FAM178B: variants seen among roughly 807,000 people sequenced by gnomAD.
FAM178B encodes the protein family with sequence similarity 178 member B, also known as protein FAM178B.
Under a neutral mutation model 91.7 loss-of-function variants are expected in FAM178B, and 82 were observed. That is an observed-to-expected ratio of 0.89 (90% CI 0.75 to 1.07). FAM178B has a LOEUF of 1.07. Ranked by LOEUF, FAM178B falls within the 50% of genes least tolerant of loss-of-function variation. FAM178B has a pLI of 0.00. For synonymous variants in FAM178B, 368 were observed against 359.4 expected (o/e 1.02, Z -0.27); for missense variants, 769 against 846.7 (o/e 0.91, Z 1.14).
chr2:96,934,222 C>T (rs868786311), intron 8 of FAM178B, among the ~76,000 whole-genome samples: 2 of 152,162 alleles, frequency 1.3e-5, no homozygotes, highest in African/African-American at 2.4e-5. Context: ...GGGTGGCATC[C>T]GTGGCTGGGA....
chr2:96,880,554 T>C (rs2080353963), intron 14 of FAM178B, among the ~76,000 whole-genome samples: 1 of 152,238 alleles, frequency 6.6e-6, no homozygotes. Context: ...TTCTCTACAA[T>C]GTGTGTACTC....
In FAM178B at chr2:96,929,212, C is replaced by G. The variant is rs1385610952; in HGVS notation, c.1187G>C (p.Gly396Ala). The change falls in exon 9 of 17, where the codon GGT (glycine) becomes GCT (alanine). Residue 396 changes from glycine (G) to alanine (A), a missense_variant. By Grantham distance (60) the Gly-to-Ala change is moderately conservative. Transcript: ENST00000490605. Reference protein sequence around the residue: ...ALYPLGPFWHGGRVLPGEAGL... With the variant: ...ALYPLGPFWHAGRVLPGEAGL... ...AGGAAGCAGAAGTACTCACCTGCCACCGTGCCAAAAGGGCCCCAGAGGGTA... is the reference window on the plus strand; with the variant it reads ...AGGAAGCAGAAGTACTCACCTGCCAGCGTGCCAAAAGGGCCCCAGAGGGTA... 3.2e-6 allele frequency: 5 copies of G among 1,549,986 alleles called. No homozygotes were observed. The South Asian group carries it at 6.0e-5, about 18-fold the overall frequency.
intron 6 of FAM178B, among the ~76,000 whole-genome samples, chr2:96,954,229 A>G (rs2081967773): frequency 6.6e-6 from 1 of 152,220 alleles, no homozygotes; most frequent in African/African-American, 2.4e-5. Flanking sequence ...GGATCCCATG[A>G]AGGGAGGTTC....
intron 13 of FAM178B, among the ~76,000 whole-genome samples, chr2:96,901,176 CTTTTTT>C (rs1195230304): frequency 7.5e-6 from 1 of 132,470 alleles, no homozygotes; most frequent in African/African-American, 2.8e-5. Flanking sequence ...ATTCTTTTTT[CTTTTTT>C]TTTTTTTTTT....
chr2:96,948,137 G>T (rs2081861581), intron 7 of FAM178B, among the ~76,000 whole-genome samples: 2 of 152,214 alleles, frequency 1.3e-5, no homozygotes, highest in African/African-American at 4.8e-5. Flanking sequence ...CAGCACTCAG[G>T]CCCAGACACC....
intron 1 of FAM178B, among the ~76,000 whole-genome samples, chr2:96,975,431 TTTAA>T (rs1165709204): frequency 6.6e-6 from 1 of 152,212 alleles, no homozygotes; most frequent in African/African-American, 2.4e-5. Flanking sequence ...CAAAAATTGT[TTTAA>T]TTGATGCATA....
At chr2:96,975,253 T>C (rs1188861685) in intron 1 of FAM178B, among the ~76,000 whole-genome samples, 1 of 152,158 alleles carries the variant, frequency 6.6e-6, no homozygotes, top group Non-Finnish European at 1.5e-5. Context: ...AGTTATGCAC[T>C]ATGTATAGTT....
intron 5 of FAM178B, among the ~76,000 whole-genome samples, chr2:96,961,577 G>A (rs2082082075): frequency 6.6e-6 from 1 of 152,136 alleles, no homozygotes; most frequent in African/African-American, 2.4e-5. Context: ...AATAAAACAA[G>A]CTCTGGACAC....
At chr2:96,958,739 A>T (rs1484238496) in intron 6 of FAM178B, among the ~76,000 whole-genome samples, 2 of 135,490 alleles carry the variant, frequency 1.5e-5, no homozygotes, top group Admixed American at 7.9e-5. Context: ...AAAAAAAAAA[A>T]ATTGAAATCT....
At chr2:96,906,224 A>G (rs1218565123) in intron 12 of FAM178B, among the ~76,000 whole-genome samples, 1 of 133,674 alleles carries the variant, frequency 7.5e-6, no homozygotes, top group South Asian at 2.4e-4. Context: ...TTTTTTGAGC[A>G]GGAGTCTTGC....
At chr2:96,985,645 T>C (rs920451712) in intron 1 of FAM178B, among the ~76,000 whole-genome samples, 1 of 152,204 alleles carries the variant, frequency 6.6e-6, no homozygotes, top group African/African-American at 2.4e-5. Context: ...GAATTCAGAA[T>C]ATTACAATGG....
At chr2:96,960,745 G>A (rs555303457) in intron 5 of FAM178B, among the ~76,000 whole-genome samples, 4 of 152,360 alleles carry the variant, frequency 2.6e-5, no homozygotes, top group Non-Finnish European at 5.9e-5. Context: ...ACAATGCCAG[G>A]TACGGAGGGT....
chr2:96,896,652 G>A (rs536374181), intron 13 of FAM178B, among the ~76,000 whole-genome samples: 37 of 152,314 alleles, frequency 2.4e-4, no homozygotes, highest in South Asian at 6.2e-4. Context: ...CACACAGCAT[G>A]TTGCTCCTGG....
intron 14 of FAM178B, among the ~76,000 whole-genome samples, chr2:96,890,209 A>G (rs1380890661): frequency 6.6e-6 from 1 of 152,090 alleles, no homozygotes; most frequent in Non-Finnish European, 1.5e-5. Context: ...TGGGAGGTGG[A>G]GGTTGCAGTG....
At chr2:96,952,652 G>A (rs1321527968) in intron 6 of FAM178B, among the ~76,000 whole-genome samples, 2 of 152,084 alleles carry the variant, frequency 1.3e-5, no homozygotes, top group Non-Finnish European at 2.9e-5. Context: ...TTTTATAGGG[G>A]GTTGGCTGGA....
Position 96,974,358 on chromosome 2 carries a change from G to A in FAM178B, c.74-1752C>T, listed in dbSNP as rs1201628836. ...GATCGTGCCACTGTACTCCAGCCTGGGCAACAGAGCAAGACTCCATCTCAA... is the reference window on the plus strand; with the variant it reads ...GATCGTGCCACTGTACTCCAGCCTGAGCAACAGAGCAAGACTCCATCTCAA... On this transcript the variant is annotated intron_variant, in intron 1 of 16. Transcript: ENST00000490605. 5.8e-5 allele frequency among the ~76,000 whole-genome samples: 8 copies of A among 138,242 alleles called. No homozygotes were observed. The East Asian group carries it at 1.5e-3, about 25-fold the overall frequency. 90.7% of individuals were successfully genotyped at this position (138,242 alleles called of 152,430 possible). A position where few individuals can be genotyped will look rare whatever the true frequency, so the allele number is the denominator to read the frequency against.
chr2:96,951,260 C>G (rs1259852387), intron 7 of FAM178B, 119 bp downstream of exon 7: 4 of 720,424 alleles, frequency 5.6e-6, no homozygotes, highest in Non-Finnish European at 9.7e-6. Flanking sequence ...CCAGCCTGAG[C>G]CCAGCCAAGC....
rs369841965 is a variant in FAM178B, at chr2:96,940,501, T to A, written c.1078+7317A>T. Among the ~76,000 whole-genome samples, 17 of 152,318 alleles carry A rather than the reference T, an allele frequency of 1.1e-4. No individual in the cohort carries two copies. The East Asian group carries it at 3.3e-3, about 29-fold the overall frequency. ...TCAACCTGATAGACTAAAGACTGCT[T>A]AAATTTCAAAATAATTATTCCGTGT... On this transcript the variant is annotated intron_variant, in intron 8 of 16. Coordinates refer to ENST00000490605, the MANE Select transcript of FAM178B (RefSeq NM_001122646.3).
At chr2:96,921,093 G>GAC in intron 12 of FAM178B, 72 bp downstream of exon 12, 1 of 1,268,746 alleles carries the variant, frequency 7.9e-7, no homozygotes, top group South Asian at 1.3e-5. Flanking sequence ...TGATGGGGAG[G>GAC]ACTCTGGATC....
Sources: allele counts gnomAD v4.1 joint callset (sites outside exome capture counted in the v4.1 genomes callset), GRCh38; gene constraint gnomAD v4.1.1; transcripts MANE v1.5; gene names NCBI Gene and HGNC (gene_info 2026-07-23, HGNC 2026-07-21).